Variants in FBXO11 observed in about 807,000 individuals in gnomAD.
The protein encoded by FBXO11 is F-box only protein 11.
FBXO11 carries 13 observed loss-of-function variants against 117.0 expected under a neutral mutation model. That is an observed-to-expected ratio of 0.11 (90% confidence interval 0.07 to 0.18). The LOEUF (loss-of-function observed/expected upper bound fraction) is 0.18, where lower values mean the gene tolerates loss of function less well. Ranked by LOEUF, FBXO11 falls within the 10% of genes least tolerant of loss-of-function variation. The pLI, the probability that FBXO11 is intolerant of heterozygous loss-of-function variation, is 1.00. For missense variants in FBXO11, 767 were observed against 1,164.4 expected, an observed-to-expected ratio of 0.66 and a Z score of 4.97; for synonymous variants, 490 against 380.5, an observed-to-expected ratio of 1.29 and a Z score of -3.35.
At chr2:47,835,511 T>C (rs77024782) in intron 5 of FBXO11, among the ~76,000 whole-genome samples, 53 of 152,236 alleles carry the variant, frequency 3.5e-4, no homozygotes, top group African/African-American at 7.5e-4. Flanking sequence ...TTTTTTTTTT[T>C]CCCTGAGACA....
intron 1 of FBXO11, chr2:47,905,268 T>A (rs1678683306): frequency 6.6e-6 from 2 of 302,638 alleles, no homozygotes; most frequent in Non-Finnish European, 1.1e-5. Context: ...AAGCGCGGCC[T>A]GAGCGAGAGC....
chr2:47,897,749 A>G (rs368046279), intron 1 of FBXO11, among the ~76,000 whole-genome samples: 2 of 151,918 alleles, frequency 1.3e-5, no homozygotes, highest in African/African-American at 2.4e-5. Flanking sequence ...AATTTCCAAC[A>G]AAGATTTTGC....
intron 1 of FBXO11, among the ~76,000 whole-genome samples, chr2:47,901,114 T>TATAC (rs1678247930): frequency 9.1e-6 from 1 of 109,336 alleles, no homozygotes; most frequent in Admixed American, 8.3e-5. Flanking sequence ...TGTATATATG[T>TATAC]ACACACGTGT....
At chr2:47,815,882 T>C (rs1218249207) in intron 16 of FBXO11, among the ~76,000 whole-genome samples, 1 of 152,188 alleles carries the variant, frequency 6.6e-6, no homozygotes, top group African/African-American at 2.4e-5. Context: ...TAGAGCAGCA[T>C]GTTCAGAATG....
intron 13 of FBXO11, 45 bp downstream of exon 13, chr2:47,822,173 G>T: frequency 8.0e-7 from 1 of 1,251,228 alleles, no homozygotes; most frequent in Non-Finnish European, 1.1e-6. Flanking sequence ...ATATCAAGAA[G>T]ACATACAAAT....
At chr2:47,866,728 T>G (rs927670638) in intron 1 of FBXO11, among the ~76,000 whole-genome samples, 7 of 152,142 alleles carry the variant, frequency 4.6e-5, no homozygotes, top group African/African-American at 1.7e-4. Context: ...CACCTCGGCC[T>G]CCCAAAGTGC....
At chr2:47,857,968 T>C (rs1429183749) in intron 1 of FBXO11, among the ~76,000 whole-genome samples, 1 of 152,152 alleles carries the variant, frequency 6.6e-6, no homozygotes, top group Non-Finnish European at 1.5e-5. Context: ...CATACATATA[T>C]TTCAAATCTT....
chr2:47,838,013 C>T (rs997612829), intron 4 of FBXO11, among the ~76,000 whole-genome samples: 3 of 151,010 alleles, frequency 2.0e-5, no homozygotes, highest in African/African-American at 7.3e-5. Flanking sequence ...ATCACTTGAC[C>T]CCAGGAGTTC....
chr2:47,855,209 T>G (rs1034372036), intron 1 of FBXO11, among the ~76,000 whole-genome samples: 7 of 152,024 alleles, frequency 4.6e-5, no homozygotes, highest in Non-Finnish European at 1.0e-4. Flanking sequence ...CATTTTTTTT[T>G]TTTGTTTTTG....
At position 47,846,230 on chromosome 2, in the gene FBXO11, G is replaced by A. The variant is rs146425052; in HGVS notation, c.233-6461C>T. 9.5e-3 allele frequency among the ~76,000 whole-genome samples: 1,440 copies of A among 152,250 alleles called. 14 individuals carry two copies. The highest frequency in any genetic ancestry group is 0.015 in the Non-Finnish European group (989 of 68,014). ...GCCTGTAAATCCCAGCACTTTAGGA[G>A]GCCCAGGCGGGCAGATCATCTGAGG... On this transcript the variant is annotated intron_variant, in intron 1 of 22. Transcript: ENST00000403359.
chr2:47,891,446 T>C (rs940660678), intron 1 of FBXO11, among the ~76,000 whole-genome samples: 45 of 152,228 alleles, frequency 3.0e-4, no homozygotes, highest in African/African-American at 1.0e-3. Context: ...ATGTTGCACA[T>C]TGCAGAATTC....
intron 7 of FBXO11, among the ~76,000 whole-genome samples, chr2:47,834,371 G>C (rs1672406264): frequency 6.6e-6 from 1 of 151,854 alleles, no homozygotes; most frequent in Non-Finnish European, 1.5e-5. Context: ...AAAGGTTGGG[G>C]GGGGCGGGGA....
chr2:47,814,792 G>A (rs1670895503), intron 16 of FBXO11, among the ~76,000 whole-genome samples: 1 of 152,090 alleles, frequency 6.6e-6, no homozygotes, highest in East Asian at 1.9e-4. Context: ...GCTCACAGTA[G>A]AATTTCTTTC....
intron 18 of FBXO11, chr2:47,811,459 C>G (rs1048078817): frequency 6.6e-6 from 1 of 152,278 alleles, no homozygotes; most frequent in Non-Finnish European, 1.5e-5. Flanking sequence ...AAATGATCCA[C>G]CCACCTGGGC....
At chr2:47,847,147 A>G (rs1673481289) in intron 1 of FBXO11, among the ~76,000 whole-genome samples, 1 of 152,192 alleles carries the variant, frequency 6.6e-6, no homozygotes, top group East Asian at 1.9e-4. Flanking sequence ...CAGGAGGCTG[A>G]GCCAGGAGAA....
intron 1 of FBXO11, among the ~76,000 whole-genome samples, chr2:47,849,083 A>G (rs1416993949): frequency 6.6e-6 from 1 of 152,236 alleles, no homozygotes; most frequent in Non-Finnish European, 1.5e-5. Flanking sequence ...TCCCAGTCTC[A>G]TGGCGTAAAG....
At chr2:47,858,696 AAAAAG>A (rs1255345344) in intron 1 of FBXO11, among the ~76,000 whole-genome samples, 2 of 150,654 alleles carry the variant, frequency 1.3e-5, no homozygotes, top group Admixed American at 6.6e-5. Context: ...AAAAAAAAAA[AAAAAG>A]AAAAGAAAAA....
Position 47,905,538 on chromosome 2 carries a change from TGGCGGCGGCGGA to T in FBXO11, c.171_182del (p.Pro63_Pro66del), listed in dbSNP as rs1168142121. 10 of 1,234,926 alleles carry T rather than the reference TGGCGGCGGCGGA, an allele frequency of 8.1e-6. No individual in the cohort carries two copies. Among genetic ancestry groups the T allele is most frequent in the African/African-American group, 1.6e-5 (1 of 62,996 alleles). The allele number at this position is 1,234,926 out of a possible 1,614,324, so 76.5% of individuals were successfully genotyped here. ...CCTGAGGCAGCGGCGGAGGCGGCGG[TGGCGGCGGCGGA>T]GGCTGCTGCTGCTGCTGCTGCTGCG... On this transcript the variant is annotated inframe_deletion, in exon 1 of 23. Coordinates refer to ENST00000403359, the MANE Select transcript of FBXO11 (RefSeq NM_001190274.2).
chr2:47,883,064 T>C (rs1676553870), intron 1 of FBXO11, among the ~76,000 whole-genome samples: 1 of 152,190 alleles, frequency 6.6e-6, no homozygotes, highest in Non-Finnish European at 1.5e-5. Context: ...TCTTCTCTTG[T>C]AGAACTATTT....
Sources: allele counts gnomAD v4.1 joint callset (sites outside exome capture counted in the v4.1 genomes callset), GRCh38; gene constraint gnomAD v4.1.1; transcripts MANE v1.5; gene names NCBI Gene and HGNC (gene_info 2026-07-23, HGNC 2026-07-21).